Variants in CSMD1 observed in about 807,000 individuals in gnomAD.
The protein encoded by CSMD1 is CUB and Sushi multiple domains 1.
CSMD1 carries 213 observed loss-of-function variants against 417.5 expected under a neutral mutation model. The observed-to-expected ratio is 0.51, with a 90% CI of 0.46 to 0.57. The LOEUF is 0.57. CSMD1 is among the 20% of genes least tolerant of loss of function. The probability of loss-of-function intolerance (pLI) is 0.00; values close to 1 mark genes in which losing one functional copy is unlikely to be tolerated. For missense variants in CSMD1, 6,923 were observed against 4,529.7 expected (o/e 1.53, Z -15.17); for synonymous variants, 2,862 against 1,736.8 (o/e 1.65, Z -16.11).
chr8:3,075,383 G>C (rs1270217337), intron 49 of CSMD1, among the ~76,000 whole-genome samples: 1 of 151,044 alleles, frequency 6.6e-6, no homozygotes, highest in Non-Finnish European at 1.5e-5. Context: ...CTGGATTCAA[G>C]TGATTTTCCT....
chr8:4,654,625 T>G (rs986762541), intron 1 of CSMD1, among the ~76,000 whole-genome samples: 1 of 152,104 alleles, frequency 6.6e-6, no homozygotes, highest in Non-Finnish European at 1.5e-5. Context: ...AGATATCAAC[T>G]AAAATGGTTG....
At chr8:3,252,910 T>C (rs985191534) in intron 26 of CSMD1, among the ~76,000 whole-genome samples, 7 of 152,126 alleles carry the variant, frequency 4.6e-5, no homozygotes, top group East Asian at 1.9e-4. Context: ...GTGGTGATAT[T>C]ACCTTTATCA....
intron 20 of CSMD1, among the ~76,000 whole-genome samples, chr8:3,364,362 C>A (rs1020928013): frequency 3.3e-5 from 5 of 152,136 alleles, no homozygotes; most frequent in African/African-American, 1.2e-4. Context: ...AAATTTATTT[C>A]TTCTGCAGGC....
intron 49 of CSMD1, among the ~76,000 whole-genome samples, chr8:3,067,340 C>T (rs1189782068): frequency 1.3e-5 from 2 of 152,118 alleles, no homozygotes; most frequent in Non-Finnish European, 2.9e-5. Flanking sequence ...ACCTCGATGC[C>T]TCCCCGCACT....
chr8:3,583,779 T>C (rs977895981), intron 9 of CSMD1, among the ~76,000 whole-genome samples: 1 of 152,046 alleles, frequency 6.6e-6, no homozygotes, highest in African/African-American at 2.4e-5. Flanking sequence ...TGCGCAGCCA[T>C]GCCCTGAAAC....
intron 2 of CSMD1, among the ~76,000 whole-genome samples, chr8:4,506,428 C>A (rs889304782): frequency 6.6e-6 from 1 of 152,082 alleles, no homozygotes; most frequent in Non-Finnish European, 1.5e-5. Context: ...CACTTCAGGC[C>A]TAGCCCAGCA....
chr8:3,298,003 C>T (rs1397574723), intron 25 of CSMD1, among the ~76,000 whole-genome samples: 1 of 152,078 alleles, frequency 6.6e-6, no homozygotes, highest in Non-Finnish European at 1.5e-5. Flanking sequence ...AAAGTGTTTA[C>T]CTTGATCAGT....
chr8:3,439,741 G>C (rs756884784), intron 12 of CSMD1, among the ~76,000 whole-genome samples: 3 of 152,018 alleles, frequency 2.0e-5, no homozygotes, highest in African/African-American at 7.2e-5. Context: ...CCTAGTCTCA[G>C]ATTGCAAATA....
intron 1 of CSMD1, among the ~76,000 whole-genome samples, chr8:4,646,389 T>A (rs1803516103): frequency 6.6e-6 from 1 of 152,184 alleles, no homozygotes; most frequent in Non-Finnish European, 1.5e-5. Flanking sequence ...TTAATACGGG[T>A]GAAGCCAGAA....
chr8:3,452,037 T>C (rs1815760329), intron 12 of CSMD1, among the ~76,000 whole-genome samples: 1 of 152,186 alleles, frequency 6.6e-6, no homozygotes, highest in Non-Finnish European at 1.5e-5. Context: ...TTCACATCCC[T>C]TGTAAGTTGG....
chr8:3,749,672 C>G (rs1034035399), intron 6 of CSMD1, among the ~76,000 whole-genome samples: 1 of 152,152 alleles, frequency 6.6e-6, no homozygotes, highest in Non-Finnish European at 1.5e-5. Flanking sequence ...AAAGAAGTTT[C>G]TCATAGAAAG....
chr8:3,129,800 C>A (rs1277032259), intron 41 of CSMD1, among the ~76,000 whole-genome samples: 1 of 151,962 alleles, frequency 6.6e-6, no homozygotes, highest in African/African-American at 2.4e-5. Context: ...ACCAGCCTGC[C>A]CAAGATGGTG....
At chr8:4,566,268 C>T (rs1384469176) in intron 2 of CSMD1, among the ~76,000 whole-genome samples, 2 of 152,032 alleles carry the variant, frequency 1.3e-5, no homozygotes, top group Non-Finnish European at 2.9e-5. Flanking sequence ...TACCTGGCAC[C>T]ATCTAGTAAG....
At chr8:3,807,522 C>G (rs1800815289) in intron 5 of CSMD1, among the ~76,000 whole-genome samples, 1 of 152,144 alleles carries the variant, frequency 6.6e-6, no homozygotes, top group Admixed American at 6.5e-5. Flanking sequence ...GGCAGAGCTT[C>G]AACAGATACT....
At chr8:4,376,497 T>C (rs925255793) in intron 3 of CSMD1, among the ~76,000 whole-genome samples, 3 of 152,228 alleles carry the variant, frequency 2.0e-5, no homozygotes, top group Non-Finnish European at 4.4e-5. Context: ...TTTATATGAA[T>C]AGACCATTAT....
At chr8:4,389,508 G>C (rs901265631) in intron 3 of CSMD1, among the ~76,000 whole-genome samples, 5 of 151,854 alleles carry the variant, frequency 3.3e-5, no homozygotes, top group African/African-American at 1.2e-4. Context: ...AAATACAAAG[G>C]ATAATATATC....
intron 57 of CSMD1, among the ~76,000 whole-genome samples, chr8:2,969,209 G>A (rs567173974): frequency 2.6e-5 from 4 of 152,260 alleles, no homozygotes; most frequent in African/African-American, 4.8e-5. Context: ...TGATGTATTA[G>A]TGGTAGCAAT....
intron 25 of CSMD1, among the ~76,000 whole-genome samples, chr8:3,294,335 T>C (rs1803802872): frequency 6.6e-6 from 1 of 152,104 alleles, no homozygotes; most frequent in Admixed American, 6.5e-5. Context: ...GGAGATCCAC[T>C]ACGCTCTTCA....
chr8:3,172,367 C>T (rs1235018011), intron 37 of CSMD1, among the ~76,000 whole-genome samples: 1 of 152,030 alleles, frequency 6.6e-6, no homozygotes, highest in African/African-American at 2.4e-5. Flanking sequence ...GACTAATGCT[C>T]ATTTTTTTTC....
Sources: gnomAD v4.1 joint callset for allele counts (sites outside exome capture counted in the v4.1 genomes callset) on GRCh38, gnomAD v4.1.1 for gene constraint, MANE v1.5 for transcripts, NCBI Gene and HGNC (gene_info 2026-07-23, HGNC 2026-07-21) for gene names.